The following SAMMSON variants were observed in gnomAD, a reference collection of about 807,000 sequenced individuals.
SAMMSON encodes survival associated mitochondrial melanoma specific oncogenic non-coding RNA, also known as long intergenic non-protein coding RNA 1212.
intron 4 of SAMMSON, among the ~76,000 whole-genome samples, chr3:70,186,262 GA>G (rs1701090837): frequency 8.1e-6 from 1 of 124,038 alleles, no homozygotes. Context: ...TCAATAATGG[GA>G]TTTTTTTTTT....
intron 3 of SAMMSON, among the ~76,000 whole-genome samples, chr3:70,033,937 C>T (rs539552659): frequency 6.6e-6 from 1 of 152,200 alleles, no homozygotes; most frequent in East Asian, 1.9e-4. Flanking sequence ...AAAATCTGAA[C>T]AGTGTCAGTT....
intron 4 of SAMMSON, chr3:70,125,207 A>G (rs576387465): frequency 2.6e-5 from 37 of 1,447,218 alleles, no homozygotes; most frequent in African/African-American, 5.6e-5. Context: ...AGGAAGTCCA[A>G]TGGAAGCTTG....
At chr3:70,064,643 G>T (rs770276094) in intron 3 of SAMMSON, among the ~76,000 whole-genome samples, 5 of 152,042 alleles carry the variant, frequency 3.3e-5, no homozygotes, top group Admixed American at 6.6e-5. Flanking sequence ...TTCTTATTTG[G>T]GTTTTGCCAG....
chr3:70,288,829 G>C lies in SAMMSON; in HGVS notation n.675-2350G>C, dbSNP rs376219265. Among the ~76,000 whole-genome samples, 148 of 151,314 alleles carry C rather than the reference G, an allele frequency of 9.8e-4. 1 individual carries two copies. The highest frequency in any genetic ancestry group is 3.2e-3 in the African/African-American group (130 of 41,166). ...CATTATGTAATGGCCTTCTTTGTCT[G>C]TTTTGATCTTTGTTGGTTTAAAGTC... On this transcript the variant is annotated intron_variant and non_coding_transcript_variant, in intron 6 of 9. Transcript: ENST00000642114.
intron 9 of SAMMSON, among the ~76,000 whole-genome samples, chr3:70,358,766 T>C (rs186323207): frequency 6.6e-6 from 1 of 152,294 alleles, no homozygotes; most frequent in Admixed American, 6.5e-5. Flanking sequence ...AATAATTTCC[T>C]GGCAAGAAGT....
intron 4 of SAMMSON, among the ~76,000 whole-genome samples, chr3:70,096,662 A>T (rs916594192): frequency 6.6e-6 from 1 of 152,192 alleles, no homozygotes; most frequent in Non-Finnish European, 1.5e-5. Context: ...CAAAGGAAGG[A>T]TACTACACAA....
At position 70,022,682 on chromosome 3, in the gene SAMMSON, T is replaced by C. The variant is rs563753982; in HGVS notation, n.417+9010T>C. ...GACTTAGCATCTTACCATTTCACCA[T>C]GTCTTCTTGGGTTGTTTCTCAAGAA... On this transcript the variant is annotated intron_variant and non_coding_transcript_variant, in intron 3 of 9. Coordinates refer to ENST00000642114, the Ensembl canonical transcript of SAMMSON. 6.6e-5 allele frequency among the ~76,000 whole-genome samples: 10 copies of C among 152,330 alleles called. 1 individual carries two copies. Among genetic ancestry groups the C allele is most frequent in the African/African-American group, 1.9e-4 (8 of 41,590 alleles).
intron 3 of SAMMSON, chr3:70,065,462 A>T (rs551965319): frequency 6.6e-6 from 1 of 152,182 alleles, no homozygotes; most frequent in South Asian, 2.1e-4. Flanking sequence ...TGTCCATAAA[A>T]CTATTATTAG....
chr3:70,048,647 T>C (rs2067135639), intron 3 of SAMMSON, among the ~76,000 whole-genome samples: 1 of 152,140 alleles, frequency 6.6e-6, no homozygotes, highest in African/African-American at 2.4e-5. Context: ...CTATTACTAC[T>C]ACTATTGCTA....
In SAMMSON at chr3:70,366,159, T is replaced by G. The variant is rs1300689263; in HGVS notation, n.913+7835T>G. ...GCGCCCGCCACCGCGCCCGGCTAAT[T>G]TTTTGTATTTTTAGTAGAGACGGGG... On this transcript the variant is annotated intron_variant and non_coding_transcript_variant, in intron 9 of 9. Transcript: ENST00000642114. Among the ~76,000 whole-genome samples the G allele has an allele frequency of 2.8e-5, 2 of 72,620 alleles. 1 individual carries two copies. Among genetic ancestry groups the G allele is most frequent in the Admixed American group, 3.1e-4 (2 of 6,472 alleles). The allele number at this position is 72,620 out of a possible 152,430, so 47.6% of individuals were successfully genotyped here. A position where few individuals can be genotyped will look rare whatever the true frequency, so the allele number is the denominator to read the frequency against.
intron 2 of SAMMSON, among the ~76,000 whole-genome samples, chr3:70,414,694 T>C (rs1447751357): frequency 6.6e-6 from 1 of 152,164 alleles, no homozygotes; most frequent in Non-Finnish European, 1.5e-5. Context: ...CACGTAATCT[T>C]TCTGGATCTG....
intron 6 of SAMMSON, among the ~76,000 whole-genome samples, chr3:70,261,072 C>T (rs75853845): frequency 0.038 from 5,767 of 152,196 alleles, 234 homozygotes; most frequent in East Asian, 0.2. Context: ...AGCACTTCAA[C>T]GTTTATTTAA....
intron 3 of SAMMSON, chr3:70,014,332 A>T (rs1167270485): frequency 6.6e-6 from 1 of 152,190 alleles, no homozygotes; most frequent in Admixed American, 6.5e-5. Context: ...CTAAAAGATA[A>T]ATAAAACTTG....
At chr3:70,399,854 C>CAAA (rs61687359) in intron 2 of SAMMSON, among the ~76,000 whole-genome samples, 42 of 85,638 alleles carry the variant, frequency 4.9e-4, no homozygotes, top group African/African-American at 1.5e-3. Context: ...GACTCTGACT[C>CAAA]AAAAAAAAAA....
At chr3:70,227,502 A>G (rs770529632) in intron 4 of SAMMSON, among the ~76,000 whole-genome samples, 7 of 152,206 alleles carry the variant, frequency 4.6e-5, no homozygotes, top group Admixed American at 2.0e-4. Context: ...TGCTAGAACA[A>G]TTTCGATAGA....
At chr3:70,078,765 C>T (rs1045160745) in intron 4 of SAMMSON, among the ~76,000 whole-genome samples, 2 of 152,176 alleles carry the variant, frequency 1.3e-5, no homozygotes, top group Non-Finnish European at 2.9e-5. Context: ...TGGCACAAAA[C>T]TTAAGTTGTT....
At chr3:70,284,132 T>G (rs1354151482) in intron 6 of SAMMSON, among the ~76,000 whole-genome samples, 1 of 152,184 alleles carries the variant, frequency 6.6e-6, no homozygotes, top group African/African-American at 2.4e-5. Context: ...ACGTTCTAGT[T>G]AAAATTTCAT....
chr3:70,102,939 C>A (rs1350599123), intron 4 of SAMMSON, among the ~76,000 whole-genome samples: 1 of 152,160 alleles, frequency 6.6e-6, no homozygotes, highest in African/African-American at 2.4e-5. Flanking sequence ...GGGAAGCAGA[C>A]CAGCCCCTTT....
chr3:70,225,944 G>A (rs1701501971), intron 4 of SAMMSON, among the ~76,000 whole-genome samples: 3 of 152,086 alleles, frequency 2.0e-5, no homozygotes, highest in Admixed American at 6.6e-5. Flanking sequence ...GTGGTCTTTT[G>A]ATGATGCTTA....
Sources: allele counts gnomAD v4.1 joint callset (sites outside exome capture counted in the v4.1 genomes callset), GRCh38; gene constraint gnomAD v4.1.1; transcripts MANE v1.5; gene names NCBI Gene and HGNC (gene_info 2026-07-23, HGNC 2026-07-21).